The following FERMT2 variants were observed in gnomAD, a reference collection of about 807,000 sequenced individuals.
FERMT2 encodes the protein fermitin family homolog 2.
In FERMT2, 15 loss-of-function variants were observed where a neutral mutation model predicts 82.7. The ratio of observed to expected loss-of-function variants is 0.18; its 90% confidence interval spans 0.12 to 0.28. The LOEUF (loss-of-function observed/expected upper bound fraction) is 0.28, where lower values mean the gene tolerates loss of function less well. Ranked by LOEUF, FERMT2 falls within the 10% of genes least tolerant of loss-of-function variation. FERMT2 has a pLI of 1.00. For synonymous variants in FERMT2, 274 were observed against 271.5 expected, an observed-to-expected ratio of 1.01 and a Z score of -0.09; for missense variants, 645 against 809.4, an observed-to-expected ratio of 0.80 and a Z score of 2.46.
chr14:52,934,325 TA>T (rs1204459475), intron 2 of FERMT2, among the ~76,000 whole-genome samples: 1 of 152,258 alleles, frequency 6.6e-6, no homozygotes, highest in African/African-American at 2.4e-5. Context: ...AGTGTTTATT[TA>T]GTGTACTGTA....
intron 14 of FERMT2, 57 bp from the exon 15 acceptor site, chr14:52,858,607 C>G: frequency 1.3e-6 from 2 of 1,499,672 alleles, no homozygotes; most frequent in Non-Finnish European, 1.8e-6. Flanking sequence ...GCTGGGTCCA[C>G]ACAAAACTAC....
intron 2 of FERMT2, among the ~76,000 whole-genome samples, chr14:52,921,291 T>C (rs553453859): frequency 1.3e-5 from 2 of 152,324 alleles, no homozygotes; most frequent in East Asian, 3.9e-4. Context: ...CAATAAGTAT[T>C]TTAATGGGAG....
At chr14:52,939,438 ATAATACTGGTATT>A (rs1330717560) in intron 2 of FERMT2, among the ~76,000 whole-genome samples, 1 of 151,814 alleles carries the variant, frequency 6.6e-6, no homozygotes, top group African/African-American at 2.4e-5. Flanking sequence ...TCAATCTTTT[ATAATACTGGTATT>A]TATCTGGCTC....
chr14:52,943,965 T>C (rs1200809019), intron 2 of FERMT2, among the ~76,000 whole-genome samples: 1 of 152,234 alleles, frequency 6.6e-6, no homozygotes, highest in African/African-American at 2.4e-5. Flanking sequence ...AAGTTAACTC[T>C]AGTTGGAAAC....
At chr14:52,905,208 G>C (rs1320907700) in intron 3 of FERMT2, among the ~76,000 whole-genome samples, 2 of 139,706 alleles carry the variant, frequency 1.4e-5, no homozygotes, top group Non-Finnish European at 3.1e-5. Flanking sequence ...AAAAAAGAAA[G>C]AGTTGAGTGG....
intron 2 of FERMT2, among the ~76,000 whole-genome samples, chr14:52,933,481 G>C (rs1359217327): frequency 2.0e-5 from 3 of 151,920 alleles, no homozygotes; most frequent in Admixed American, 1.3e-4. Flanking sequence ...GGCTGAGGTG[G>C]GGGGGAATCA....
chr14:52,928,377 G>A (rs1458153584), intron 2 of FERMT2: 1 of 157,548 alleles, frequency 6.3e-6, no homozygotes, highest in African/African-American at 2.4e-5. Flanking sequence ...AGCCCCAAAT[G>A]AGATATAACT....
In FERMT2 at chr14:52,939,373, C is replaced by CAA. The variant is rs35130630; in HGVS notation, c.157+11037_157+11038dup. ...GGGCGACAGAGTGAGACTACGGTCT[C>CAA]AAAAAAAAAAAAAAAAACAAAGAAC... On this transcript the variant is annotated intron_variant, in intron 2 of 14. Coordinates refer to ENST00000341590, the MANE Select transcript of FERMT2 (RefSeq NM_006832.3). 3.2e-3 allele frequency among the ~76,000 whole-genome samples: 299 copies of CAA among 93,080 alleles called. 1 individual carries two copies. Among genetic ancestry groups the CAA allele is most frequent in the East Asian group, 9.0e-3 (34 of 3,780 alleles). The allele number at this position is 93,080 out of a possible 152,430, so 61.1% of individuals were successfully genotyped here.
chr14:52,875,376 T>A lies in FERMT2; in HGVS notation c.964-19A>T, dbSNP rs764078221. 20 of 1,535,976 alleles carry A rather than the reference T, an allele frequency of 1.3e-5. No individual in the cohort carries two copies. The highest frequency in any genetic ancestry group is 1.7e-4 in the Middle Eastern group (1 of 5,870). On this transcript the variant is annotated intron_variant, in intron 7 of 14. Transcript: ENST00000341590. ...TATGATACTGAAACCAGAATTATTT[T>A]ATTAAAATAATTGCTATAACTGTAA... is the stretch of plus-strand genomic sequence containing the variant.
At chr14:52,884,553 A>G (rs1302619188) in intron 4 of FERMT2, among the ~76,000 whole-genome samples, 1 of 151,658 alleles carries the variant, frequency 6.6e-6, no homozygotes, top group Non-Finnish European at 1.5e-5. Flanking sequence ...GCAGTGAGAG[A>G]CTGCACCATT....
chr14:52,950,952 C>A lies in FERMT2; in HGVS notation c.-41G>T. ...CTCCTAGCGCTCCGGGCCCGGGACTCGCGCGGCAACAGGCGAGGGGCTGGA... is the reference window on the plus strand; with the variant it reads ...CTCCTAGCGCTCCGGGCCCGGGACTAGCGCGGCAACAGGCGAGGGGCTGGA... On this transcript the variant is annotated 5_prime_UTR_variant, in exon 1 of 15. Coordinates refer to ENST00000341590, the MANE Select transcript of FERMT2 (RefSeq NM_006832.3). 1 of 160,160 alleles carries A rather than the reference C, an allele frequency of 6.2e-6. No homozygotes were observed. 9.9% of individuals were successfully genotyped at this position (160,160 alleles called of 1,614,324 possible).
chr14:52,931,661 T>G (rs192053710), intron 2 of FERMT2, among the ~76,000 whole-genome samples: 2 of 152,142 alleles, frequency 1.3e-5, no homozygotes, highest in African/African-American at 2.4e-5. Flanking sequence ...TAGATGATAA[T>G]AGCACTAAGA....
chr14:52,914,208 A>AT (rs1295523147), intron 3 of FERMT2, among the ~76,000 whole-genome samples: 2 of 151,674 alleles, frequency 1.3e-5, no homozygotes, highest in African/African-American at 4.9e-5. Context: ...ACAAAAAAAA[A>AT]AATATATAAA....
intron 2 of FERMT2, chr14:52,948,667 C>G: frequency 2.3e-6 from 1 of 437,042 alleles, no homozygotes; most frequent in Non-Finnish European, 4.5e-6. Flanking sequence ...GCAGTTTATT[C>G]TCTATATTTC....
intron 3 of FERMT2, among the ~76,000 whole-genome samples, chr14:52,897,310 T>A (rs1391093776): frequency 6.6e-6 from 1 of 152,178 alleles, no homozygotes; most frequent in Non-Finnish European, 1.5e-5. Flanking sequence ...TTTTTCCATA[T>A]TTTATTTCAG....
chr14:52,937,079 T>C (rs1273087187), intron 2 of FERMT2, among the ~76,000 whole-genome samples: 1 of 152,072 alleles, frequency 6.6e-6, no homozygotes, highest in Non-Finnish European at 1.5e-5. Flanking sequence ...CGAGAATTGC[T>C]TGAACCCTGG....
intron 14 of FERMT2, chr14:52,859,325 G>T: frequency 2.7e-6 from 1 of 363,994 alleles, no homozygotes; most frequent in Non-Finnish European, 4.9e-6. Flanking sequence ...AGAGTAGATC[G>T]GCTTTATCCA....
intron 2 of FERMT2, among the ~76,000 whole-genome samples, chr14:52,921,038 TAA>T (rs1332739924): frequency 6.6e-6 from 1 of 152,200 alleles, no homozygotes; most frequent in Non-Finnish European, 1.5e-5. Context: ...GTCGTACCTT[TAA>T]AAAGAGTTTA....
chr14:52,938,079 G>A (rs1399287225), intron 2 of FERMT2, among the ~76,000 whole-genome samples: 3 of 152,142 alleles, frequency 2.0e-5, no homozygotes, highest in Non-Finnish European at 2.9e-5. Flanking sequence ...GTTAAATAAC[G>A]TGGCACAGGG....
Sources: allele counts gnomAD v4.1 joint callset (sites outside exome capture counted in the v4.1 genomes callset), GRCh38; gene constraint gnomAD v4.1.1; transcripts MANE v1.5; gene names NCBI Gene and HGNC (gene_info 2026-07-23, HGNC 2026-07-21).